Variants in DMD observed in about 807,000 individuals in gnomAD.
DMD encodes dystrophin.
DMD carries 63 observed loss-of-function variants against 330.1 expected under a neutral mutation model. The ratio of observed to expected loss-of-function variants is 0.19; its 90% confidence interval spans 0.16 to 0.24. The LOEUF (loss-of-function observed/expected upper bound fraction) is 0.24. Among genes scored for constraint, DMD ranks in the 10% least tolerant of loss-of-function variants. The pLI is 1.00. For synonymous variants in DMD, 1,223 were observed against 959.8 expected, an observed-to-expected ratio of 1.27 and a Z score of -5.07; for missense variants, 3,344 against 2,684.1, an observed-to-expected ratio of 1.25 and a Z score of -5.43.
intron 17 of DMD, among the ~76,000 whole-genome samples, chrX:32,534,166 T>C (rs959696174): frequency 8.9e-6 from 1 of 112,287 alleles, no homozygotes; most frequent in Admixed American, 9.4e-5. Context: ...CGCAGTTCTA[T>C]AGGCTACAAT....
chrX:32,568,877 T>C (rs756800465), intron 15 of DMD, among the ~76,000 whole-genome samples: 1 of 112,201 alleles, frequency 8.9e-6, no homozygotes, highest in Non-Finnish European at 1.9e-5. Flanking sequence ...GCTGATTCTT[T>C]TAAGCTTAGG....
chrX:33,095,964 A>ATTTTTTT (rs35906927), intron 1 of DMD, among the ~76,000 whole-genome samples: 2 of 51,550 alleles, frequency 3.9e-5, no homozygotes, highest in East Asian at 1.8e-3. Context: ...TTCTTCCAGA[A>ATTTTTTT]TTTTTTTTTT....
At chrX:33,042,951 GA>G (rs1569551237) in intron 1 of DMD, among the ~76,000 whole-genome samples, 3 of 111,704 alleles carry the variant, frequency 2.7e-5, no homozygotes. Context: ...CAGCACACAC[GA>G]ATGCATGGTT....
chrX:32,533,986 C>T (rs983961053), intron 17 of DMD, among the ~76,000 whole-genome samples: 5 of 111,979 alleles, frequency 4.5e-5, no homozygotes, highest in Admixed American at 2.8e-4. Flanking sequence ...GCCCCACTGC[C>T]AGCATCATGA....
chrX:31,897,697 GT>G (rs751313197), intron 47 of DMD, among the ~76,000 whole-genome samples: 1 of 93,749 alleles, frequency 1.1e-5, no homozygotes, highest in Non-Finnish European at 2.1e-5. Context: ...TTTTTCATGT[GT>G]TTTTTGGCTG....
intron 12 of DMD, among the ~76,000 whole-genome samples, chrX:32,601,413 C>T (rs2056191596): frequency 9.0e-6 from 1 of 111,481 alleles, no homozygotes; most frequent in African/African-American, 3.3e-5. Context: ...TATGTTTCTG[C>T]CAACTCCTAA....
chrX:33,121,195 T>G (rs1040421014), intron 1 of DMD, among the ~76,000 whole-genome samples: 3 of 110,467 alleles, frequency 2.7e-5, no homozygotes, highest in Non-Finnish European at 5.7e-5. Context: ...TGCCAGCGTC[T>G]GTTGAATTTT....
intron 1 of DMD, among the ~76,000 whole-genome samples, chrX:33,183,555 G>T (rs1445635635): frequency 9.0e-6 from 1 of 111,662 alleles, no homozygotes; most frequent in Non-Finnish European, 1.9e-5. Flanking sequence ...CACCACAAGA[G>T]CATGTGCTGA....
intron 1 of DMD, among the ~76,000 whole-genome samples, chrX:33,071,658 T>C (rs950684311): frequency 7.2e-5 from 8 of 111,489 alleles, no homozygotes; most frequent in Non-Finnish European, 1.3e-4. Flanking sequence ...TGTGTGAGCT[T>C]CTTCATATTA....
chrX:32,818,467 C>T (rs1055693029), intron 5 of DMD, among the ~76,000 whole-genome samples: 4 of 111,687 alleles, frequency 3.6e-5, no homozygotes, highest in Non-Finnish European at 7.5e-5. Context: ...TTGAGCTGGT[C>T]CCCAAAGGTG....
chrX:32,390,457 G>GA (rs1426966075), intron 30 of DMD, among the ~76,000 whole-genome samples: 1 of 109,047 alleles, frequency 9.2e-6, no homozygotes, highest in Non-Finnish European at 1.9e-5. Context: ...GGATTATTAT[G>GA]AAAAAAGCAA....
intron 15 of DMD, among the ~76,000 whole-genome samples, chrX:32,572,647 T>C (rs1222447853): frequency 9.1e-6 from 1 of 110,024 alleles, no homozygotes; most frequent in Non-Finnish European, 1.9e-5. Context: ...AGAAATCTCA[T>C]TCTCAAAACA....
chrX:31,296,075 G>C (rs1344817290), intron 62 of DMD, among the ~76,000 whole-genome samples: 1 of 107,318 alleles, frequency 9.3e-6, no homozygotes, highest in Admixed American at 1.0e-4. Flanking sequence ...AAGGATTTAT[G>C]ACCAGAAGAA....
intron 60 of DMD, among the ~76,000 whole-genome samples, chrX:31,421,923 A>G (rs1437029738): frequency 4.6e-4 from 35 of 75,460 alleles, no homozygotes; most frequent in African/African-American, 2.5e-3. Context: ...ACATATATAT[A>G]TATATATATA....
chrX:31,482,172 T>C (rs1196183609), intron 57 of DMD, among the ~76,000 whole-genome samples: 3 of 105,949 alleles, frequency 2.8e-5, no homozygotes, highest in Non-Finnish European at 5.8e-5. Flanking sequence ...CTCATGCTCA[T>C]TCAGGATAAA....
Position 31,436,193 on chromosome X carries a change from C to T in DMD, c.9084+8288G>A, listed in dbSNP as rs1158305665. ...TTACATGGATTACCATAATAGCTAG[C>T]CTTAGAACTAGCAAAAATAGTTCCC... On this transcript the variant is annotated intron_variant, in intron 60 of 78. Coordinates refer to ENST00000357033, the MANE Select transcript of DMD (RefSeq NM_004006.3). Among the ~76,000 whole-genome samples, 3 of 111,680 alleles carry T rather than the reference C, an allele frequency of 2.7e-5. No individual in the cohort carries two copies. In the South Asian group the frequency reaches 1.1e-3, roughly 42 times the overall value.
At chrX:33,020,273 A>G in intron 1 of DMD, 73 bp from the exon 2 acceptor site, 2 of 741,993 alleles carry the variant, frequency 2.7e-6, no homozygotes, top group Non-Finnish European at 4.0e-6. Context: ...AACCAAAGTA[A>G]CTTTCCATTA....
chrX:32,801,406 A>T (rs1308837911), intron 7 of DMD, among the ~76,000 whole-genome samples: 3 of 111,443 alleles, frequency 2.7e-5, no homozygotes, highest in Non-Finnish European at 5.7e-5. Context: ...TAGATTCTGG[A>T]TATTAGCCCT....
intron 62 of DMD, chrX:31,266,895 G>A (rs2051194282): frequency 5.9e-6 from 7 of 1,187,408 alleles, no homozygotes; most frequent in Non-Finnish European, 7.9e-6. Context: ...GAGCCGCCGG[G>A]CTCCCCGAAA....
Sources: allele counts gnomAD v4.1 joint callset (sites outside exome capture counted in the v4.1 genomes callset), GRCh38; gene constraint gnomAD v4.1.1; transcripts MANE v1.5; gene names NCBI Gene and HGNC (gene_info 2026-07-23, HGNC 2026-07-21).